Variants in RBPMS observed in about 807,000 individuals in gnomAD.
RBPMS encodes the protein RNA binding protein, mRNA processing factor.
Under a neutral mutation model 26.8 loss-of-function variants are expected in RBPMS, and 7 were observed. The observed-to-expected ratio is 0.26, with a 90% CI of 0.15 to 0.49. RBPMS has a LOEUF of 0.49. RBPMS is among the 20% of genes least tolerant of loss of function. The pLI is 0.98. For synonymous variants in RBPMS, 96 were observed against 93.3 expected, an observed-to-expected ratio of 1.03 and a Z score of -0.17; for missense variants, 186 against 250.0, an observed-to-expected ratio of 0.74 and a Z score of 1.73.
chr8:30,385,226 G>T, intron 1 of RBPMS, 68 bp downstream of exon 1: 1 of 1,167,656 alleles, frequency 8.6e-7, no homozygotes, highest in Non-Finnish European at 1.1e-6. Flanking sequence ...GCGGGGCGCG[G>T]GCCCGGGGCG....
rs1021883587 is a variant in RBPMS at position 30,544,965 on chromosome 8, G to A, written c.528+341G>A. On this transcript the variant is annotated intron_variant, in intron 6 of 8. Transcript: ENST00000397323. The stretch of plus-strand genomic sequence containing the variant: ...CAGAGTGTATACGTGTGTGCCTTGT[G>A]TGGAAGGGCTGCAGAGGAAGGTGTG... The A allele has an allele frequency of 4.8e-6, 7 of 1,457,888 alleles. No homozygotes were observed. The Admixed American group carries it at 9.9e-5, about 21-fold the overall frequency. 90.3% of individuals were successfully genotyped at this position (1,457,888 alleles called of 1,614,324 possible). A position where few individuals can be genotyped will look rare whatever the true frequency, so the allele number is the denominator to read the frequency against.
intron 6 of RBPMS, among the ~76,000 whole-genome samples, chr8:30,557,065 C>G (rs1826993603): frequency 6.6e-6 from 1 of 152,150 alleles, no homozygotes; most frequent in Admixed American, 6.5e-5. Context: ...TGCTGGTGGC[C>G]CTGAGGACAG....
intron 4 of RBPMS, among the ~76,000 whole-genome samples, chr8:30,487,240 CTT>C (rs879459928): frequency 7.1e-6 from 1 of 141,560 alleles, no homozygotes; most frequent in Non-Finnish European, 1.6e-5. Context: ...TCTTTGTTCT[CTT>C]TTACTTTTAG....
chr8:30,549,950 A>T (rs544948546), intron 6 of RBPMS, among the ~76,000 whole-genome samples: 3 of 150,752 alleles, frequency 2.0e-5, no homozygotes, highest in African/African-American at 7.3e-5. Flanking sequence ...TCCCGGGTTC[A>T]TGCCATTCTC....
intron 6 of RBPMS, chr8:30,547,469 TGAC>T: frequency 1.3e-6 from 2 of 1,571,240 alleles, no homozygotes; most frequent in Non-Finnish European, 1.7e-6. Flanking sequence ...AACTATTTCT[TGAC>T]GACCTTTGAG....
intron 1 of RBPMS, among the ~76,000 whole-genome samples, chr8:30,413,833 G>A (rs1421072320): frequency 2.0e-5 from 3 of 152,116 alleles, no homozygotes; most frequent in African/African-American, 4.8e-5. Context: ...GGCTGGTGTC[G>A]ATCTCTTGAC....
intron 1 of RBPMS, among the ~76,000 whole-genome samples, chr8:30,438,570 C>A (rs1005452919): frequency 2.6e-5 from 4 of 152,160 alleles, no homozygotes; most frequent in African/African-American, 9.7e-5. Flanking sequence ...TTTGTGTGAT[C>A]ACTGTCTTTA....
At chr8:30,387,921 C>T (rs182615704) in intron 1 of RBPMS, among the ~76,000 whole-genome samples, 55 of 152,154 alleles carry the variant, frequency 3.6e-4, no homozygotes, top group African/African-American at 1.3e-3. Flanking sequence ...AGTATTTTTG[C>T]AGCTTTTTAG....
intron 1 of RBPMS, chr8:30,453,840 T>C (rs887597586): frequency 1.3e-5 from 2 of 152,194 alleles, no homozygotes; most frequent in African/African-American, 4.8e-5. Flanking sequence ...TATGTTTTTT[T>C]AAAACTAGAA....
At chr8:30,434,776 AAC>A (rs33991199) in intron 1 of RBPMS, among the ~76,000 whole-genome samples, 66 of 147,226 alleles carry the variant, frequency 4.5e-4, no homozygotes, top group Non-Finnish European at 6.3e-4. Context: ...ATTCCCATAT[AAC>A]ACACACACAC....
At chr8:30,452,119 C>G (rs1814659351) in intron 1 of RBPMS, among the ~76,000 whole-genome samples, 1 of 152,138 alleles carries the variant, frequency 6.6e-6, no homozygotes, top group Non-Finnish European at 1.5e-5. Context: ...TCTGAGAGAT[C>G]ATCAGTACAG....
chr8:30,438,824 A>T (rs958175358), intron 1 of RBPMS, among the ~76,000 whole-genome samples: 1 of 152,002 alleles, frequency 6.6e-6, no homozygotes, highest in African/African-American at 2.4e-5. Context: ...CCCCGGCTGG[A>T]GTGCAGTGGT....
chr8:30,468,230 A>T (rs1816723395), intron 1 of RBPMS, among the ~76,000 whole-genome samples: 1 of 152,186 alleles, frequency 6.6e-6, no homozygotes, highest in Non-Finnish European at 1.5e-5. Flanking sequence ...ATGTATTTGT[A>T]AGTATGTTTT....
intron 6 of RBPMS, chr8:30,545,078 C>T (rs1825762954): frequency 1.5e-6 from 2 of 1,372,172 alleles, no homozygotes; most frequent in African/African-American, 1.5e-5. Context: ...GAATCTCTGA[C>T]CAAAGGGAAA....
At chr8:30,416,210 T>A (rs1208681261) in intron 1 of RBPMS, among the ~76,000 whole-genome samples, 5 of 152,006 alleles carry the variant, frequency 3.3e-5, no homozygotes, top group Non-Finnish European at 7.4e-5. Flanking sequence ...ATTAGTGGAG[T>A]TAATGTTTGT....
rs1031568017 is a variant in RBPMS, at chr8:30,466,588, CTT to C, written c.67-8184_67-8183del. ...CAGTGGTTTTGGTTTTTCTTTCTTTCTTTTTTTTCTTTTTTTTTTTTTTTGAG... is the reference window on the plus strand; with the variant it reads ...CAGTGGTTTTGGTTTTTCTTTCTTTCTTTTTTCTTTTTTTTTTTTTTTGAG... On this transcript the variant is annotated intron_variant, in intron 1 of 8. Transcript: ENST00000397323. Among the ~76,000 whole-genome samples the C allele has an allele frequency of 4.7e-5, 7 of 148,992 alleles. No homozygotes were observed. In the South Asian group the frequency reaches 1.1e-3, roughly 23 times the overall value.
At chr8:30,497,723 TCTC>T (rs1442798277) in intron 4 of RBPMS, among the ~76,000 whole-genome samples, 3 of 151,896 alleles carry the variant, frequency 2.0e-5, no homozygotes, top group African/African-American at 7.3e-5. Flanking sequence ...TTCACACAGT[TCTC>T]CTGCCTCAGC....
At chr8:30,525,711 G>A (rs1823507556) in intron 5 of RBPMS, among the ~76,000 whole-genome samples, 1 of 152,232 alleles carries the variant, frequency 6.6e-6, no homozygotes, top group Non-Finnish European at 1.5e-5. Context: ...GGGGAACGTA[G>A]GTAGGTGACT....
rs371406975 is a variant in RBPMS at position 30,492,576 on chromosome 8, C to T, written c.247-11710C>T. Among the ~76,000 whole-genome samples the T allele has an allele frequency of 7.6e-4, 116 of 152,134 alleles. 1 individual carries two copies. Among genetic ancestry groups the T allele is most frequent in the African/African-American group, 2.7e-3 (110 of 41,504 alleles). The stretch of plus-strand genomic sequence containing the variant: ...TCCAAGTTTAATCCTGGGTTTTGTA[C>T]TTGGCAGAAGCTGTATGGGCACATA... On this transcript the variant is annotated intron_variant, in intron 4 of 8. Transcript: ENST00000397323.
Sources: gnomAD v4.1 joint callset for allele counts (sites outside exome capture counted in the v4.1 genomes callset) on GRCh38, gnomAD v4.1.1 for gene constraint, MANE v1.5 for transcripts, NCBI Gene and HGNC (gene_info 2026-07-23, HGNC 2026-07-21) for gene names.